The following NTN4 variants were observed in gnomAD, a reference collection of about 807,000 sequenced individuals.
NTN4 encodes the protein netrin-4.
A neutral mutation model predicts 73.6 loss-of-function variants in NTN4; 32 were observed. The observed-to-expected ratio is 0.44, with a 90% CI of 0.33 to 0.58. The LOEUF is 0.58. Among genes scored for constraint, NTN4 ranks in the 20% least tolerant of loss-of-function variants. The pLI is 0.04. For missense variants in NTN4, 654 were observed against 798.3 expected (o/e 0.82, Z 2.18); for synonymous variants, 258 against 287.5 (o/e 0.90, Z 1.04).
At chr12:95,708,985 ATAT>A in intron 5 of NTN4, among the ~76,000 whole-genome samples, 1 of 152,306 alleles carries the variant, frequency 6.6e-6, no homozygotes, top group East Asian at 1.9e-4. Flanking sequence ...GCTGGGAGAA[ATAT>A]TATGACACAG....
chr12:95,748,476 CTTTTT>C (rs762351453), intron 2 of NTN4, among the ~76,000 whole-genome samples: 1 of 105,948 alleles, frequency 9.4e-6, no homozygotes. Flanking sequence ...ATTTTCTTTT[CTTTTT>C]TTTTTTTTTT....
intron 8 of NTN4, among the ~76,000 whole-genome samples, chr12:95,668,487 G>A (rs2120933383): frequency 6.6e-6 from 1 of 152,128 alleles, no homozygotes; most frequent in Non-Finnish European, 1.5e-5. Flanking sequence ...TTCTTCTATT[G>A]TTTAGCCAAG....
chr12:95,694,170 CTT>C (rs1160184890), intron 5 of NTN4, among the ~76,000 whole-genome samples: 1 of 152,194 alleles, frequency 6.6e-6, no homozygotes, highest in Non-Finnish European at 1.5e-5. Context: ...ATGGCTCTAA[CTT>C]TTGTTATTTT....
Position 95,688,008 on chromosome 12 carries a change from G to A in NTN4, c.1181-4297C>T, listed in dbSNP as rs528882119. Among the ~76,000 whole-genome samples the A allele has an allele frequency of 3.3e-5, 5 of 152,148 alleles. No individual in the cohort carries two copies. The South Asian group carries it at 6.2e-4, about 19-fold the overall frequency. On this transcript the variant is annotated intron_variant, in intron 5 of 9. Coordinates refer to ENST00000343702, the MANE Select transcript of NTN4 (RefSeq NM_021229.4). ...AGAAGAAAAGCTGTAGAGTCAGGTC[G>A]GATGGTAATAGGATTCCAGGTTGTG...
chr12:95,725,666 C>T (rs2078688696), intron 3 of NTN4, among the ~76,000 whole-genome samples: 1 of 152,102 alleles, frequency 6.6e-6, no homozygotes, highest in Non-Finnish European at 1.5e-5. Flanking sequence ...TACAAGAAGT[C>T]AGTTACTAGG....
intron 2 of NTN4, among the ~76,000 whole-genome samples, chr12:95,744,937 CT>C (rs1393898801): frequency 6.9e-6 from 1 of 144,820 alleles, no homozygotes; most frequent in Non-Finnish European, 1.5e-5. Context: ...AAGTTGACTT[CT>C]TTTTTTCTTT....
intron 8 of NTN4, among the ~76,000 whole-genome samples, chr12:95,667,611 T>G (rs985609817): frequency 7.9e-5 from 12 of 151,956 alleles, no homozygotes; most frequent in African/African-American, 2.9e-4. Flanking sequence ...TCCCAGCACT[T>G]TGGGAGGCTG....
intron 2 of NTN4, among the ~76,000 whole-genome samples, chr12:95,773,678 G>A (rs2079072952): frequency 1.3e-5 from 2 of 151,940 alleles, no homozygotes; most frequent in South Asian, 4.2e-4. Flanking sequence ...CTTTCTCGGG[G>A]AGCCCCATCT....
chr12:95,786,819 A>G, intron 2 of NTN4, 120 bp downstream of exon 2: 1 of 777,150 alleles, frequency 1.3e-6, no homozygotes, highest in Non-Finnish European at 2.0e-6. Flanking sequence ...AATAAATCTC[A>G]TGAAAAATTC....
intron 4 of NTN4, among the ~76,000 whole-genome samples, chr12:95,710,883 A>G (rs964898676): frequency 2.6e-5 from 4 of 152,162 alleles, no homozygotes; most frequent in African/African-American, 9.7e-5. Flanking sequence ...ACACGCCTGT[A>G]GTCCCAGCTA....
chr12:95,718,592 T>C (rs1380249120), intron 3 of NTN4, among the ~76,000 whole-genome samples: 5 of 152,062 alleles, frequency 3.3e-5, no homozygotes, highest in Non-Finnish European at 5.9e-5. Context: ...TTAAATGACA[T>C]ATAGCTGGAT....
At chr12:95,672,671 C>G (rs2078242342) in intron 7 of NTN4, 2 of 1,477,590 alleles carry the variant, frequency 1.4e-6, no homozygotes, top group East Asian at 4.5e-5. Context: ...TGATGTCCCA[C>G]CACCCTGCTG....
chr12:95,729,334 C>T (rs1273869353), intron 3 of NTN4, among the ~76,000 whole-genome samples: 3 of 151,652 alleles, frequency 2.0e-5, no homozygotes, highest in Non-Finnish European at 4.4e-5. Flanking sequence ...TATTTTTGTT[C>T]TACCTAAAGA....
At chr12:95,762,028 T>C (rs1423640148) in intron 2 of NTN4, among the ~76,000 whole-genome samples, 1 of 152,134 alleles carries the variant, frequency 6.6e-6, no homozygotes, top group Non-Finnish European at 1.5e-5. Flanking sequence ...ATATTATATA[T>C]GTTAAACACG....
At chr12:95,765,155 A>T (rs140231315) in intron 2 of NTN4, among the ~76,000 whole-genome samples, 1 of 152,358 alleles carries the variant, frequency 6.6e-6, no homozygotes, top group Non-Finnish European at 1.5e-5. Context: ...GCTGTCTAAA[A>T]ATATCTTTAA....
chr12:95,787,527 C>T, intron 1 of NTN4, 59 bp from the exon 2 acceptor site: 1 of 1,532,506 alleles, frequency 6.5e-7, no homozygotes, highest in South Asian at 1.2e-5. Flanking sequence ...CTCTTTTGGC[C>T]ACCTAGTCCA....
intron 5 of NTN4, among the ~76,000 whole-genome samples, chr12:95,684,037 A>G (rs2078340728): frequency 6.6e-6 from 1 of 152,190 alleles, no homozygotes. Context: ...AGAAAGGAAA[A>G]GACGTCATGA....
chr12:95,694,408 A>G (rs2078425602), intron 5 of NTN4, among the ~76,000 whole-genome samples: 1 of 152,084 alleles, frequency 6.6e-6, no homozygotes, highest in Admixed American at 6.5e-5. Context: ...GGCCCTACAG[A>G]ATTTCTGAGG....
At chr12:95,676,000 C>T (rs958020809) in intron 7 of NTN4, among the ~76,000 whole-genome samples, 1 of 152,150 alleles carries the variant, frequency 6.6e-6, no homozygotes, top group Non-Finnish European at 1.5e-5. Flanking sequence ...TGTAGCTAGT[C>T]CTTAAGTGAC....
Sources: gnomAD v4.1 joint callset for allele counts (sites outside exome capture counted in the v4.1 genomes callset) on GRCh38, gnomAD v4.1.1 for gene constraint, MANE v1.5 for transcripts, NCBI Gene and HGNC (gene_info 2026-07-23, HGNC 2026-07-21) for gene names.